Variants in GLI2 observed in about 807,000 individuals in gnomAD.
The protein encoded by GLI2 is transcription activator GLI2.
A neutral mutation model predicts 78.9 loss-of-function variants in GLI2; 22 were observed. The ratio of observed to expected loss-of-function variants is 0.28; its 90% CI spans 0.20 to 0.40. The LOEUF (loss-of-function observed/expected upper bound fraction) is 0.40, where lower values mean the gene tolerates loss of function less well. Ranked by LOEUF, GLI2 falls within the 10% of genes least tolerant of loss-of-function variation. The pLI is 1.00. For synonymous variants in GLI2, 974 were observed against 963.7 expected, an observed-to-expected ratio of 1.01 and a Z score of -0.20; for missense variants, 2,097 against 2,213.2, an observed-to-expected ratio of 0.95 and a Z score of 1.05.
chr2:120,823,956 A>G (rs1176497382), intron 2 of GLI2, among the ~76,000 whole-genome samples: 2 of 152,276 alleles, frequency 1.3e-5, no homozygotes, highest in African/African-American at 4.8e-5. Flanking sequence ...TGCATGGACC[A>G]AAATTATTCA....
intron 1 of GLI2, among the ~76,000 whole-genome samples, chr2:120,736,618 C>T (rs1682364816): frequency 6.9e-6 from 1 of 144,960 alleles, no homozygotes; most frequent in South Asian, 2.4e-4. Context: ...CGCGCGCCGG[C>T]GGGGGTCTGT....
chr2:120,919,988 C>G (rs1287319963), intron 2 of GLI2, among the ~76,000 whole-genome samples: 2 of 152,266 alleles, frequency 1.3e-5, no homozygotes, highest in African/African-American at 4.8e-5. Context: ...GCCTCACCTT[C>G]CCTCCATCAG....
chr2:120,971,974 A>G lies in GLI2; in HGVS notation c.1093A>G (p.Thr365Ala). ...KQSSESAVSS[T>A]VNPVAIHKRS... The stretch of plus-strand genomic sequence containing the variant: ...GAGCAGTGAGTCGGCCGTCAGCAGC[A>G]CCGTCAACCCTGTCGCCATTCACAA... Residue 365 changes from threonine to alanine, a missense_variant, in exon 8 of 14, where the codon ACC becomes GCC. This residue lies in a region of GLI2 where 578 missense variants were observed against 612.0 expected (regional missense o/e 0.94). Transcript: ENST00000361492. The G allele has an allele frequency of 6.2e-7, 1 of 1,613,700 alleles. No homozygotes were observed. Among genetic ancestry groups the G allele is most frequent in the Non-Finnish European group, 8.5e-7 (1 of 1,179,876 alleles).
At chr2:120,790,113 G>C (rs1037375390) in intron 1 of GLI2, among the ~76,000 whole-genome samples, 6 of 152,206 alleles carry the variant, frequency 3.9e-5, no homozygotes. Context: ...TGGATCCCAG[G>C]GGATTTCGGA....
intron 5 of GLI2, among the ~76,000 whole-genome samples, chr2:120,963,205 T>G (rs1225853757): frequency 1.3e-5 from 2 of 152,232 alleles, no homozygotes; most frequent in African/African-American, 2.4e-5. Context: ...TCCTGGCCCT[T>G]GAAGAAGCCA....
intron 2 of GLI2, among the ~76,000 whole-genome samples, chr2:120,880,999 A>G (rs1272121585): frequency 6.6e-6 from 1 of 152,216 alleles, no homozygotes; most frequent in Non-Finnish European, 1.5e-5. Context: ...CCCTGTTACC[A>G]TGATAACATA....
rs1007884555 is a variant in GLI2 at position 120,974,979 on chromosome 2, A to C, written c.1187A>C (p.Gln396Pro). The part of the protein sequence containing the change: ...PASPLALTQE[Q>P]LADLKEDLDR... Reference sequence around the variant, plus strand: ...TGTGCCCTTCCCCTCTCCCAGGAGCAGCTGGCTGACCTCAAGGAAGATCTG... The same window carrying C: ...TGTGCCCTTCCCCTCTCCCAGGAGCCGCTGGCTGACCTCAAGGAAGATCTG... The change falls in exon 9 of 14, where the codon CAG becomes CCG. Residue 396 changes from glutamine (Q) to proline (P), a missense_variant. Gln to Pro is a moderately conservative substitution (Grantham distance 76, BLOSUM62 -1). This residue lies in a region of GLI2 where 578 missense variants were observed against 612.0 expected (regional missense o/e 0.94). Transcript: ENST00000361492. 7.4e-6 allele frequency: 12 copies of C among 1,614,242 alleles called. No homozygotes were observed. Among genetic ancestry groups the C allele is most frequent in the Non-Finnish European group, 1.0e-5 (12 of 1,180,042 alleles).
chr2:120,871,997 G>A (rs998065823), intron 2 of GLI2, among the ~76,000 whole-genome samples: 4 of 152,198 alleles, frequency 2.6e-5, no homozygotes, highest in South Asian at 2.1e-4. Context: ...CAACCACGAC[G>A]TCACATTGTG....
intron 2 of GLI2, among the ~76,000 whole-genome samples, chr2:120,849,443 G>T (rs769511585): frequency 1.3e-5 from 2 of 151,686 alleles, no homozygotes; most frequent in Non-Finnish European, 2.9e-5. Flanking sequence ...TGCCAATAGT[G>T]ATGATGATGA....
chr2:120,929,779 G>A (rs1436549800), intron 3 of GLI2, among the ~76,000 whole-genome samples: 1 of 152,184 alleles, frequency 6.6e-6, no homozygotes, highest in Non-Finnish European at 1.5e-5. Context: ...ATGTCTGCCT[G>A]GTGGGTGTTG....
intron 2 of GLI2, among the ~76,000 whole-genome samples, chr2:120,823,510 A>T: frequency 6.6e-6 from 1 of 152,182 alleles, no homozygotes; most frequent in East Asian, 1.9e-4. Context: ...TGGAGCTGCT[A>T]GTGGGAGAGG....
At position 120,976,980 on chromosome 2, in the gene GLI2, A is replaced by G. The variant is rs557622171; in HGVS notation, c.1318-1454A>G. ...TGTCAGGAAGCATTTTTATCATTTG[A>G]AAGGCTTTAAAAATGGAAAGTGAGG... On this transcript the variant is annotated intron_variant, in intron 9 of 13. Transcript: ENST00000361492. Among the ~76,000 whole-genome samples, 23 of 152,374 alleles carry G rather than the reference A, an allele frequency of 1.5e-4. No homozygotes were observed. In the South Asian group the frequency reaches 4.8e-3, roughly 32 times the overall value.
intron 5 of GLI2, among the ~76,000 whole-genome samples, chr2:120,957,812 T>C (rs958828558): frequency 2.0e-5 from 3 of 152,278 alleles, no homozygotes; most frequent in Non-Finnish European, 2.9e-5. Flanking sequence ...TTCTTCCATG[T>C]AATTCCCTTA....
intron 1 of GLI2, among the ~76,000 whole-genome samples, chr2:120,796,105 A>G (rs1277339244): frequency 6.6e-6 from 1 of 152,244 alleles, no homozygotes; most frequent in African/African-American, 2.4e-5. Flanking sequence ...CATCAGATTT[A>G]TCTTCTGATA....
intron 1 of GLI2, among the ~76,000 whole-genome samples, chr2:120,741,759 G>T (rs1682553157): frequency 6.6e-6 from 1 of 152,052 alleles, no homozygotes; most frequent in Non-Finnish European, 1.5e-5. Context: ...AGCGCCCCGG[G>T]CCCGCGGCTG....
At chr2:120,949,009 G>C (rs1051554240) in intron 3 of GLI2, among the ~76,000 whole-genome samples, 1 of 152,114 alleles carries the variant, frequency 6.6e-6, no homozygotes. Flanking sequence ...TTCAGCCCAG[G>C]TCTGCCCCCA....
At chr2:120,751,730 C>T (rs951199122) in intron 1 of GLI2, among the ~76,000 whole-genome samples, 3 of 152,156 alleles carry the variant, frequency 2.0e-5, no homozygotes, top group Non-Finnish European at 4.4e-5. Context: ...TGAATACCTT[C>T]TGGACTCATG....
chr2:120,875,844 A>G (rs904921866), intron 2 of GLI2, among the ~76,000 whole-genome samples: 5 of 152,192 alleles, frequency 3.3e-5, no homozygotes, highest in African/African-American at 1.2e-4. Context: ...GCTAAACCAT[A>G]CTATAAAGCT....
At chr2:120,941,296 C>T (rs1044405798) in intron 3 of GLI2, among the ~76,000 whole-genome samples, 4 of 152,234 alleles carry the variant, frequency 2.6e-5, no homozygotes, top group Non-Finnish European at 5.9e-5. Flanking sequence ...TTGGAAAGGA[C>T]TTGATTTCTA....
Sources: allele counts gnomAD v4.1 joint callset (sites outside exome capture counted in the v4.1 genomes callset), GRCh38; gene constraint gnomAD v4.1.1; regional missense constraint gnomAD v4.1.1; transcripts MANE v1.5; gene names NCBI Gene and HGNC (gene_info 2026-07-23, HGNC 2026-07-21).